The following CTNS variants were observed in gnomAD, a reference collection of about 807,000 sequenced individuals.
CTNS encodes the protein cystinosin, lysosomal cystine transporter.
Under a neutral mutation model 43.7 loss-of-function variants are expected in CTNS, and 27 were observed. That is an observed-to-expected ratio of 0.62 (90% CI 0.46 to 0.85). CTNS has a LOEUF of 0.85. CTNS is among the 40% of genes least tolerant of loss of function. The pLI is 0.00. For synonymous variants in CTNS, 187 were observed against 190.6 expected (o/e 0.98, Z 0.16); for missense variants, 457 against 475.4 (o/e 0.96, Z 0.36).
chr17:3,662,706 G>C lies in CTNS; in HGVS notation c.*2337G>C, dbSNP rs1392902123. Among the ~76,000 whole-genome samples the C allele has an allele frequency of 1.3e-5, 2 of 152,036 alleles. No individual in the cohort carries two copies. Among genetic ancestry groups the C allele is most frequent in the Admixed American group, 6.6e-5 (1 of 15,248 alleles). ...CAGACACTCCCACAGATGTGGTTCTGGTCAGGCGCAGTGCAGCTGCTGCGG... is the reference window on the plus strand; with the variant it reads ...CAGACACTCCCACAGATGTGGTTCTCGTCAGGCGCAGTGCAGCTGCTGCGG... On this transcript the variant is annotated 3_prime_UTR_variant, in exon 12 of 12. Transcript: ENST00000046640.
rs762508287 is a variant in CTNS at position 3,660,327 on chromosome 17, C to T, written c.1062C>T (p.Phe354=). The T allele has an allele frequency of 1.2e-6, 2 of 1,614,140 alleles. No homozygotes were observed. The highest frequency in any genetic ancestry group is 1.7e-6 in the Non-Finnish European group (2 of 1,180,050). The change falls in exon 12 of 12, where the codon TTC becomes TTT. Residue 354 remains phenylalanine (F), a synonymous_variant. Transcript: ENST00000046640. ...VFDVVFFIQH[F]CLYRKRPGYD... is the part of the protein sequence containing the mutation. ...ACGTCGTCTTCTTCATCCAGCACTT[C>T]TGTTTGTACAGAAAGAGACCGGGGT...
upstream of CTNS, chr17:3,636,655 C>A (rs1312981898): frequency 6.0e-6 from 1 of 166,912 alleles, no homozygotes; most frequent in Non-Finnish European, 1.3e-5. Flanking sequence ...AACTACAACT[C>A]CCAGAGCTCA....
Position 3,659,908 on chromosome 17 carries a change from C to A in CTNS, c.903C>A (p.Asn301Lys). 1 of 1,613,992 alleles carries A rather than the reference C, an allele frequency of 6.2e-7. No individual in the cohort carries two copies. The highest frequency in any genetic ancestry group is 8.5e-7 in the Non-Finnish European group (1 of 1,179,988). ...GCACTGAGGGCTGGAGCATTGGCAA[C>A]GTGCTCCTGGACTTCACCGGGGGCA... ...YKSTEGWSIGNVLLDFTGGSF... is the reference protein window; with the variant it reads ...YKSTEGWSIGKVLLDFTGGSF... The change falls in exon 11 of 12, where the codon AAC becomes AAA. Residue 301 changes from asparagine (N) to lysine (K), a missense_variant. By Grantham distance (94) the Asn-to-Lys change is moderately conservative. Coordinates refer to ENST00000046640, the MANE Select transcript of CTNS (RefSeq NM_004937.3).
chr17:3,663,089 C>T lies in CTNS; in HGVS notation c.*2720C>T, dbSNP rs2076299855. 6.6e-6 allele frequency: 1 copy of T among 152,192 alleles called. No individual in the cohort carries two copies. Among genetic ancestry groups the T allele is most frequent in the Non-Finnish European group, 1.5e-5 (1 of 68,032 alleles). The allele number at this position is 152,192 out of a possible 1,614,324, so 9.4% of individuals were successfully genotyped here. On this transcript the variant is annotated 3_prime_UTR_variant, in exon 12 of 12. Coordinates refer to ENST00000046640, the MANE Select transcript of CTNS (RefSeq NM_004937.3). ...TATCAAACTTGTGATTAAAAAAATA[C>T]AAAAGTTAAACCCACAGGCAAAGAG...
At chr17:3,647,945 T>G (rs1597621345) in intron 4 of CTNS, among the ~76,000 whole-genome samples, 1 of 152,106 alleles carries the variant, frequency 6.6e-6, no homozygotes. Flanking sequence ...CCACGTCGGG[T>G]GAATGCCGCT....
chr17:3,658,299 C>T (rs565532358), intron 10 of CTNS, 124 bp downstream of exon 10: 2 of 1,331,734 alleles, frequency 1.5e-6, no homozygotes, highest in Non-Finnish European at 2.1e-6. Context: ...CCACAGGGAG[C>T]CCGGGAGCCC....
intron 4 of CTNS, 122 bp downstream of exon 4, chr17:3,647,644 A>AGG: frequency 2.2e-6 from 2 of 895,670 alleles, no homozygotes; most frequent in Non-Finnish European, 3.6e-6. Flanking sequence ...TACCTGTAAG[A>AGG]CAAGCCCTAG....
intron 3 of CTNS, among the ~76,000 whole-genome samples, chr17:3,642,072 TGTGTGTGTGTGCCTGGGC>T (rs1238959357): frequency 2.7e-5 from 4 of 145,638 alleles, no homozygotes; most frequent in African/African-American, 5.2e-5. Context: ...GGCGTGTGTG[TGTGTGTGTGTGCCTGGGC>T]GTGTGTGTGT....
At chr17:3,642,730 A>G (rs1182294180) in intron 3 of CTNS, among the ~76,000 whole-genome samples, 5 of 152,100 alleles carry the variant, frequency 3.3e-5, no homozygotes, top group African/African-American at 4.8e-5. Context: ...CCATAAAATC[A>G]AGTCACTGGA....
intron 5 of CTNS, among the ~76,000 whole-genome samples, chr17:3,651,543 A>G (rs2075982687): frequency 2.0e-5 from 3 of 152,226 alleles, no homozygotes; most frequent in African/African-American, 7.2e-5. Flanking sequence ...GGAAGCAAGC[A>G]GGGGTTCCGA....
chr17:3,657,146 C>T (rs1170089264), intron 9 of CTNS, among the ~76,000 whole-genome samples: 1 of 151,838 alleles, frequency 6.6e-6, no homozygotes, highest in East Asian at 1.9e-4. Flanking sequence ...CAGAGGAAGA[C>T]GCTTGGTTGG....
At chr17:3,658,286 A>C in intron 10 of CTNS, 111 bp downstream of exon 10, 1 of 1,437,724 alleles carries the variant, frequency 7.0e-7, no homozygotes, top group Non-Finnish European at 9.5e-7. Context: ...ACAGGACGGA[A>C]AGCCACAGGG....
chr17:3,638,427 G>A (rs887741728), intron 2 of CTNS, among the ~76,000 whole-genome samples: 1 of 152,002 alleles, frequency 6.6e-6, no homozygotes, highest in African/African-American at 2.4e-5. Context: ...TAGTAGAGAC[G>A]GGGATTCACC....
chr17:3,658,106 G>A lies in CTNS; in HGVS notation c.783G>A (p.Thr261=), dbSNP rs377053292. The A allele has an allele frequency of 1.5e-5, 24 of 1,612,270 alleles. No individual in the cohort carries two copies. The East Asian group carries it at 2.2e-4, about 15-fold the overall frequency. Residue 261 remains threonine (T), a synonymous_variant, in exon 10 of 12, where the codon ACG becomes ACA. Transcript: ENST00000046640. ...TMIVAAVGVT[T]WLQFLFCFSY... ...TCGTGGCTGCAGTGGGAGTGACCAC[G>A]TGGCTGCAGTTTCTCTTCTGCTTCT...
chr17:3,651,462 C>A (rs2075981364), intron 5 of CTNS, among the ~76,000 whole-genome samples: 1 of 152,130 alleles, frequency 6.6e-6, no homozygotes, highest in South Asian at 2.1e-4. Flanking sequence ...GAACCTGAAG[C>A]ACAAACAGAT....
At chr17:3,636,652 A>C, upstream of CTNS, 2 of 165,254 alleles carry the variant, frequency 1.2e-5, no homozygotes, top group South Asian at 1.7e-4. Context: ...GGAAACTACA[A>C]CTCCCAGAGC....
intron 9 of CTNS, chr17:3,657,616 C>T (rs1296977261): frequency 3.2e-6 from 1 of 308,938 alleles, no homozygotes; most frequent in Non-Finnish European, 6.2e-6. Context: ...GGTCGTGGGA[C>T]GAGTCAGTAC....
chr17:3,638,905 A>C (rs2075608217), intron 2 of CTNS, among the ~76,000 whole-genome samples: 1 of 152,188 alleles, frequency 6.6e-6, no homozygotes, highest in Non-Finnish European at 1.5e-5. Context: ...GAGGCCAGAG[A>C]GTAGGTACGG....
chr17:3,657,992 C>T lies in CTNS; in HGVS notation c.682-13C>T. 1 of 1,606,784 alleles carries T rather than the reference C, an allele frequency of 6.2e-7. No individual in the cohort carries two copies. The highest frequency in any genetic ancestry group is 8.5e-7 in the Non-Finnish European group (1 of 1,179,844). On this transcript the variant is annotated splice_polypyrimidine_tract_variant and intron_variant, in intron 9 of 11. Coordinates refer to ENST00000046640, the MANE Select transcript of CTNS (RefSeq NM_004937.3). The stretch of plus-strand genomic sequence containing the variant: ...TGTGTGGGTCCACATCTCTGCCCTC[C>T]TCTCGCCCCCAGCGCGGTGGCCAGC...
Sources: gnomAD v4.1 joint callset for allele counts (sites outside exome capture counted in the v4.1 genomes callset) on GRCh38, gnomAD v4.1.1 for gene constraint, MANE v1.5 for transcripts, NCBI Gene and HGNC (gene_info 2026-07-23, HGNC 2026-07-21) for gene names.